TYMS: variants seen among roughly 807,000 people sequenced by gnomAD.
TYMS encodes the protein thymidylate synthetase, also known as thymidylate synthase.
A neutral mutation model predicts 39.3 loss-of-function variants in TYMS; 21 were observed. The observed-to-expected ratio is 0.54, with a 90% CI of 0.38 to 0.77. The LOEUF is 0.77. TYMS is among the 30% of genes least tolerant of loss of function. The pLI, the probability that TYMS is intolerant of heterozygous loss-of-function variation, is 0.00. For missense variants in TYMS, 273 were observed against 406.7 expected, an observed-to-expected ratio of 0.67 and a Z score of 2.83; for synonymous variants, 171 against 162.2, an observed-to-expected ratio of 1.05 and a Z score of -0.41.
chr18:668,036 A>T (rs2853526), intron 3 of TYMS, among the ~76,000 whole-genome samples: 51,217 of 137,286 alleles, frequency 0.37, 10,565 homozygotes, highest in East Asian at 0.66. Context: ...TTCCCTGGAC[A>T]CACTACCCAG....
In TYMS at chr18:659,672, G is replaced by A. The variant is rs1390554311; in HGVS notation, c.237G>A (p.Val79=). The change falls in exon 2 of 7, where the codon GTG becomes GTA. Residue 79 remains valine (V), a synonymous_variant. Coordinates refer to ENST00000323274, the MANE Select transcript of TYMS (RefSeq NM_001071.4). ...DEFPLLTTKR[V]FWKGVLEELL... is the part of the protein sequence containing the mutation. ...TCCCTCTGCTGACAACCAAACGTGT[G>A]TTCTGGAAGGGTGTTTTGGAGGAGT... 1.2e-6 allele frequency: 2 copies of A among 1,614,236 alleles called. No homozygotes were observed. The highest frequency in any genetic ancestry group is 1.7e-6 in the Non-Finnish European group (2 of 1,180,022).
intron 3 of TYMS, among the ~76,000 whole-genome samples, chr18:664,291 A>C (rs2074785457): frequency 6.6e-6 from 1 of 150,714 alleles, no homozygotes; most frequent in African/African-American, 2.5e-5. Context: ...TGTGAGTGGA[A>C]GTTCACTCAT....
At position 660,602 on chromosome 18, in the gene TYMS, T is replaced by C. The variant is rs2074747733; in HGVS notation, c.279+888T>C. Among the ~76,000 whole-genome samples the C allele has an allele frequency of 6.6e-6, 1 of 152,202 alleles. No individual in the cohort carries two copies. Among genetic ancestry groups the C allele is most frequent in the African/African-American group, 2.4e-5 (1 of 41,452 alleles). On this transcript the variant is annotated intron_variant, in intron 2 of 6. Transcript: ENST00000323274. This position sits in a 1 kb window ranked among gnomAD's most constrained non-coding sequence, Gnocchi z 4.6. ...AATGTAGATACCACCTGTGTTCCCA[T>C]GTTCATATAAATTCTAGAAGAGTCT...
chr18:667,463 AGATGGT>A (rs1247233263), intron 3 of TYMS, among the ~76,000 whole-genome samples: 1 of 3,528 alleles, frequency 2.8e-4, no homozygotes, highest in Non-Finnish European at 4.9e-4. Flanking sequence ...GTGATGATGG[AGATGGT>A]GATGGTGATG....
chr18:666,771 G>A (rs1232861106), intron 3 of TYMS, among the ~76,000 whole-genome samples: 1 of 152,244 alleles, frequency 6.6e-6, no homozygotes, highest in African/African-American at 2.4e-5. Context: ...CCTAGAATAG[G>A]CAAGTTCTTA....
chr18:670,532 T>C, intron 4 of TYMS, 160 bp from the exon 5 acceptor site: 2 of 695,154 alleles, frequency 2.9e-6, no homozygotes, highest in Non-Finnish European at 2.4e-6. Context: ...CTCCGTGCCA[T>C]CGCTGCAGAG....
In TYMS at chr18:659,724, T is replaced by A. The variant is rs2074737158; in HGVS notation, c.279+10T>A. On this transcript the variant is annotated intron_variant, in intron 2 of 6. Transcript: ENST00000323274. The stretch of plus-strand genomic sequence containing the variant: ...GCTGTGGTTTATCAAGGTAAAGAAG[T>A]CGCTGCTATTAGAAGTCAGTAGTCT... 1.9e-6 allele frequency: 3 copies of A among 1,610,138 alleles called. No individual in the cohort carries two copies. Among genetic ancestry groups the A allele is most frequent in the Non-Finnish European group, 1.7e-6 (2 of 1,176,318 alleles).
In TYMS at chr18:657,768, C is replaced by A; in HGVS notation, c.26C>A (p.Pro9Gln). 5 of 1,432,188 alleles carry A rather than the reference C, an allele frequency of 3.5e-6. No individual in the cohort carries two copies. In the South Asian group the frequency reaches 7.4e-5, roughly 21 times the overall value. The allele number at this position is 1,432,188 out of a possible 1,614,324, so 88.7% of individuals were successfully genotyped here. Residue 9 changes from proline (P) to glutamine (Q), a missense_variant, in exon 1 of 7, where the codon CCG (proline) becomes CAG (glutamine). Pro to Gln is a moderately conservative substitution (Grantham distance 76). Coordinates refer to ENST00000323274, the MANE Select transcript of TYMS (RefSeq NM_001071.4). ...ATGCCTGTGGCCGGCTCGGAGCTGC[C>A]GCGCCGGCCCTTGCCCCCCGCCGCA... MPVAGSEL[P>Q]RRPLPPAAQE...
At position 658,671 on chromosome 18, in the gene TYMS, G is replaced by A. The variant is rs1007261795; in HGVS notation, c.205+724G>A. On this transcript the variant is annotated intron_variant, in intron 1 of 6. Coordinates refer to ENST00000323274, the MANE Select transcript of TYMS (RefSeq NM_001071.4). This position sits in a 1 kb window ranked among gnomAD's most constrained non-coding sequence, Gnocchi z 4.5. ...CGGGGTGGGCACAGGACGTTAGGCA[G>A]CCGTTGGCCCTCCCTAAGGCCACAC... is the stretch of plus-strand genomic sequence containing the variant. 4.7e-5 allele frequency: 13 copies of A among 274,270 alleles called. No homozygotes were observed. The East Asian group carries it at 1.9e-3, about 40-fold the overall frequency. 17.0% of individuals were successfully genotyped at this position (274,270 alleles called of 1,614,324 possible). A position where few individuals can be genotyped will look rare whatever the true frequency, so the allele number is the denominator to read the frequency against.
intron 1 of TYMS, 25 bp downstream of exon 1, chr18:657,972 C>T: frequency 6.6e-7 from 1 of 1,507,624 alleles, no homozygotes; most frequent in Non-Finnish European, 8.8e-7. Flanking sequence ...CCCTGCGGGA[C>T]GGGTGGCGGG....
chr18:664,979 C>CT lies in TYMS; in HGVS notation c.454+2665dup, dbSNP rs1209424256. Among the ~76,000 whole-genome samples, 3 of 150,522 alleles carry CT rather than the reference C, an allele frequency of 2.0e-5. No individual in the cohort carries two copies. The East Asian group carries it at 5.9e-4, about 29-fold the overall frequency. On this transcript the variant is annotated intron_variant, in intron 3 of 6. Transcript: ENST00000323274. ...ATCAAGGATATTGGTCTAAAATTCT[C>CT]TTTTTTGGTTGTGTCTCTGCCCAGC...
Position 657,939 on chromosome 18 carries a change from G to T in TYMS, c.197G>T (p.Ser66Ile), listed in dbSNP as rs2074705994. Residue 66 changes from serine (S) to isoleucine (I), a missense_variant, in exon 1 of 7, where the codon AGC (serine) becomes ATC (isoleucine). Physicochemically the swap from Ser to Ile is moderately radical, Grantham distance 142. Coordinates refer to ENST00000323274, the MANE Select transcript of TYMS (RefSeq NM_001071.4). ...GTATTCGGCATGCAGGCGCGCTACA[G>T]CCTGAGAGGTGACGCCGCGGGCCCC... ...LSVFGMQARY[S>I]LRDEFPLLTT... 1 of 1,511,268 alleles carries T rather than the reference G, an allele frequency of 6.6e-7. No individual in the cohort carries two copies. The allele number at this position is 1,511,268 out of a possible 1,614,324, so 93.6% of individuals were successfully genotyped here.
chr18:668,728 GTT>G (rs1026086956), intron 3 of TYMS, among the ~76,000 whole-genome samples: 3 of 152,240 alleles, frequency 2.0e-5, no homozygotes, highest in African/African-American at 7.2e-5. Context: ...TAGAGCCTAA[GTT>G]TGCGAGGAGC....
intron 4 of TYMS, 192 bp downstream of exon 4, chr18:669,365 G>GTTTTTT: frequency 2.9e-6 from 1 of 340,442 alleles, no homozygotes; most frequent in Non-Finnish European, 5.3e-6. Context: ...GGGCCCAGAG[G>GTTTTTT]ATTTTTTTTT....
chr18:671,169 G>A (rs986271573), intron 5 of TYMS: 4 of 611,372 alleles, frequency 6.5e-6, no homozygotes, highest in African/African-American at 3.7e-5. Context: ...CACTTTGGGA[G>A]ACTGAGACAG....
chr18:668,910 C>A (rs2074918973), intron 3 of TYMS, among the ~76,000 whole-genome samples, 162 bp from the exon 4 acceptor site: 1 of 131,540 alleles, frequency 7.6e-6, no homozygotes, highest in Admixed American at 7.3e-5. Context: ...TTGAACTCAA[C>A]CCACCGAGAT....
chr18:671,084 T>C (rs2075022807), intron 5 of TYMS: 1 of 633,076 alleles, frequency 1.6e-6, no homozygotes, highest in Admixed American at 3.0e-5. Context: ...ACAGGTTGTT[T>C]GTGATACAGC....
intron 4 of TYMS, chr18:670,395 T>G: frequency 3.3e-6 from 1 of 300,584 alleles, no homozygotes; most frequent in Non-Finnish European, 6.2e-6. Context: ...AACAGAATTA[T>G]TCCTGCTGTA....
At chr18:669,297 T>C (rs538535029) in intron 4 of TYMS, 124 bp downstream of exon 4, 1 of 552,968 alleles carries the variant, frequency 1.8e-6, no homozygotes, top group Non-Finnish European at 2.9e-6. Context: ...ACATGGTTGA[T>C]TGTGTGACGT....
Sources: allele counts gnomAD v4.1 joint callset (sites outside exome capture counted in the v4.1 genomes callset), GRCh38; gene constraint gnomAD v4.1.1; non-coding constraint Gnocchi (gnomAD v3.1); transcripts MANE v1.5; gene names NCBI Gene and HGNC (gene_info 2026-07-23, HGNC 2026-07-21).